The following SH3PXD2A variants were observed in gnomAD, a reference collection of about 807,000 sequenced individuals.
The protein encoded by SH3PXD2A is SH3 and PX domains 2A, also known as SH3 and PX domain-containing protein 2A.
Under a neutral mutation model 115.2 loss-of-function variants are expected in SH3PXD2A, and 32 were observed. The ratio of observed to expected loss-of-function variants is 0.28; its 90% CI spans 0.21 to 0.37. The LOEUF is 0.37. SH3PXD2A is among the 10% of genes least tolerant of loss of function. The pLI is 1.00. For missense variants in SH3PXD2A, 1,328 were observed against 1,498.7 expected, an observed-to-expected ratio of 0.89 and a Z score of 1.88; for synonymous variants, 610 against 629.1, an observed-to-expected ratio of 0.97 and a Z score of 0.45.
At position 103,620,477 on chromosome 10, in the gene SH3PXD2A, G is replaced by A. The variant is rs1012002758; in HGVS notation, c.802+1993C>T. ...CCCACGACTTACCCAACCCCACTGA[G>A]AGAGGCCTTTTGGTTCCAAGGGCCT... On this transcript the variant is annotated intron_variant, in intron 10 of 14. Coordinates refer to ENST00000369774, the MANE Select transcript of SH3PXD2A (RefSeq NM_001394015.1). This position sits in a 1 kb window ranked among gnomAD's most constrained non-coding sequence, Gnocchi z 5.3. 2.0e-5 allele frequency among the ~76,000 whole-genome samples: 3 copies of A among 152,196 alleles called. No individual in the cohort carries two copies. The highest frequency in any genetic ancestry group is 7.2e-5 in the African/African-American group (3 of 41,448).
At chr10:103,834,177 G>C (rs1371673067) in intron 1 of SH3PXD2A, among the ~76,000 whole-genome samples, 2 of 152,212 alleles carry the variant, frequency 1.3e-5, no homozygotes, top group African/African-American at 4.8e-5. Flanking sequence ...CATGGAACCT[G>C]AACTCAGGAG....
At position 103,602,302 on chromosome 10, in the gene SH3PXD2A, C is replaced by T. The variant is rs201325113; in HGVS notation, c.2916G>A (p.Val972=). Residue 972 remains valine (V), a synonymous_variant, in exon 15 of 15, where the codon GTG becomes GTA. Coordinates refer to ENST00000369774, the MANE Select transcript of SH3PXD2A (RefSeq NM_001394015.1). The stretch of plus-strand genomic sequence containing the variant: ...ACTGGGGCCTGACCGCCACCTGCCG[C>T]ACTCCGTTCCTCATCTTCACCGCTG... ...GTPAVKMRNG[V]RQVAVRPQSV... 2.5e-6 allele frequency: 4 copies of T among 1,613,724 alleles called. No homozygotes were observed. The highest frequency in any genetic ancestry group is 4.5e-5 in the East Asian group (2 of 44,882).
intron 5 of SH3PXD2A, among the ~76,000 whole-genome samples, chr10:103,721,562 C>A (rs926464534): frequency 6.6e-6 from 1 of 152,178 alleles, no homozygotes; most frequent in Non-Finnish European, 1.5e-5. Context: ...GCTTTTGTGG[C>A]GATACACCTG....
intron 1 of SH3PXD2A, among the ~76,000 whole-genome samples, chr10:103,844,531 C>G (rs1384814738): frequency 3.3e-5 from 5 of 152,192 alleles, no homozygotes; most frequent in Admixed American, 3.3e-4. Context: ...ATGCTCTGAA[C>G]ACTTAGATGG....
rs1328562180 is a variant in SH3PXD2A at position 103,666,930 on chromosome 10, TC to T, written c.472+1677del. ...GGGCTGTGTCCCTGCAACATGCCCC[TC>T]CCAGACCCTACCTTCAGCAGGTAAC... On this transcript the variant is annotated intron_variant, in intron 7 of 14. Coordinates refer to ENST00000369774, the MANE Select transcript of SH3PXD2A (RefSeq NM_001394015.1). This position sits in a 1 kb window ranked among gnomAD's most constrained non-coding sequence, Gnocchi z 4.5. Among the ~76,000 whole-genome samples the T allele has an allele frequency of 9.9e-5, 15 of 152,134 alleles. No homozygotes were observed. Among genetic ancestry groups the T allele is most frequent in the Admixed American group, 9.8e-4 (15 of 15,266 alleles).
At chr10:103,654,329 GT>G in intron 8 of SH3PXD2A, among the ~76,000 whole-genome samples, 1 of 152,268 alleles carries the variant, frequency 6.6e-6, no homozygotes, top group East Asian at 1.9e-4. Context: ...CTGCCTGACA[GT>G]AAACCCCTCT....
intron 1 of SH3PXD2A, among the ~76,000 whole-genome samples, chr10:103,846,634 C>G (rs1205377458): frequency 6.6e-6 from 1 of 152,234 alleles, no homozygotes; most frequent in Non-Finnish European, 1.5e-5. Context: ...TATACCTGCC[C>G]TCCGCTCTGC....
intron 3 of SH3PXD2A, among the ~76,000 whole-genome samples, chr10:103,743,749 AAAAC>A (rs55705068): frequency 6.6e-6 from 1 of 151,756 alleles, no homozygotes; most frequent in Admixed American, 6.6e-5. Flanking sequence ...CCCAACTCTA[AAAAC>A]AAACAAACTC....
At chr10:103,785,652 G>A (rs986383659) in intron 2 of SH3PXD2A, among the ~76,000 whole-genome samples, 13 of 152,086 alleles carry the variant, frequency 8.5e-5, no homozygotes, top group African/African-American at 1.9e-4. Context: ...CAAAAGGCGC[G>A]TCTGTACGTG....
At chr10:103,660,883 G>A (rs941653714) in intron 8 of SH3PXD2A, 100 bp downstream of exon 8, 9 of 1,306,614 alleles carry the variant, frequency 6.9e-6, no homozygotes, top group African/African-American at 4.4e-5. Context: ...TGGAAATAAC[G>A]TATAGCTGCA....
At chr10:103,766,520 T>A (rs2038756290) in intron 3 of SH3PXD2A, among the ~76,000 whole-genome samples, 1 of 151,918 alleles carries the variant, frequency 6.6e-6, no homozygotes, top group Non-Finnish European at 1.5e-5. Context: ...TGATAACAAA[T>A]AAAAAAGCAC....
In SH3PXD2A at chr10:103,603,102, A is replaced by C. The variant is rs1301618974; in HGVS notation, c.2116T>G (p.Ser706Ala). 6.2e-7 allele frequency: 1 copy of C among 1,613,122 alleles called. No homozygotes were observed. The highest frequency in any genetic ancestry group is 8.5e-7 in the Non-Finnish European group (1 of 1,180,002). ...GTTTTGGACAAGGAAGAGGAGGAGG[A>C]GGAAGAGGAGGAGCAGCAAGTGGTG... ...INTTCCSSSSSSSSSLSKTSG... is the reference protein window; with the variant it reads ...INTTCCSSSSASSSSLSKTSG... The change falls in exon 15 of 15, where the codon TCC becomes GCC. Residue 706 changes from serine to alanine, a missense_variant. Around this residue, in one of 5 missense-constraint regions of SH3PXD2A, gnomAD observed 574 missense variants for 565.7 expected, o/e 1.01. Coordinates refer to ENST00000369774, the MANE Select transcript of SH3PXD2A (RefSeq NM_001394015.1).
At chr10:103,733,038 T>A (rs533187855) in intron 4 of SH3PXD2A, among the ~76,000 whole-genome samples, 1 of 152,104 alleles carries the variant, frequency 6.6e-6, no homozygotes. Flanking sequence ...TTCAGCAGAA[T>A]TAAAGGTCAC....
intron 6 of SH3PXD2A, among the ~76,000 whole-genome samples, chr10:103,674,045 T>C (rs1301974202): frequency 6.6e-6 from 1 of 152,216 alleles, no homozygotes; most frequent in Non-Finnish European, 1.5e-5. Flanking sequence ...CTTACCTCAT[T>C]GCAGTTTTGA....
intron 4 of SH3PXD2A, among the ~76,000 whole-genome samples, chr10:103,728,170 T>C (rs1392533534): frequency 3.3e-5 from 5 of 152,190 alleles, no homozygotes; most frequent in Non-Finnish European, 7.3e-5. Context: ...AGATGCAGGT[T>C]TGGGTCCTGG....
intron 1 of SH3PXD2A, among the ~76,000 whole-genome samples, chr10:103,830,392 C>G (rs1046880221): frequency 9.2e-5 from 14 of 152,182 alleles, no homozygotes; most frequent in African/African-American, 3.4e-4. Flanking sequence ...CGGGTATTAC[C>G]AAGTGTTGAT....
intron 4 of SH3PXD2A, among the ~76,000 whole-genome samples, chr10:103,725,753 C>A (rs547559310): frequency 3.9e-5 from 6 of 152,204 alleles, no homozygotes; most frequent in African/African-American, 1.4e-4. Context: ...CGCTTGAACC[C>A]AGGAGGCAGA....
intron 7 of SH3PXD2A, among the ~76,000 whole-genome samples, chr10:103,662,709 T>G (rs2037332338): frequency 6.6e-6 from 1 of 152,122 alleles, no homozygotes; most frequent in African/African-American, 2.4e-5. Flanking sequence ...TATGATGTGC[T>G]TTTAGCTAGG....
chr10:103,832,923 A>G (rs551506580), intron 1 of SH3PXD2A, among the ~76,000 whole-genome samples: 1 of 152,340 alleles, frequency 6.6e-6, no homozygotes, highest in East Asian at 1.9e-4. Context: ...TAGAACCACC[A>G]GGTCACATGA....
Sources: allele counts gnomAD v4.1 joint callset (sites outside exome capture counted in the v4.1 genomes callset), GRCh38; gene constraint gnomAD v4.1.1; regional missense constraint gnomAD v4.1.1; non-coding constraint Gnocchi (gnomAD v3.1); transcripts MANE v1.5; gene names NCBI Gene and HGNC (gene_info 2026-07-23, HGNC 2026-07-21).